The following CNNM2 variants were observed in gnomAD, a reference collection of about 807,000 sequenced individuals.
The protein encoded by CNNM2 is cyclin and CBS domain divalent metal cation transport mediator 2.
Under a neutral mutation model 66.9 loss-of-function variants are expected in CNNM2, and 12 were observed. The observed-to-expected ratio is 0.18, with a 90% CI of 0.11 to 0.29. CNNM2 has a LOEUF of 0.29. Ranked by LOEUF, CNNM2 falls within the 10% of genes least tolerant of loss-of-function variation. The pLI is 1.00. For synonymous variants in CNNM2, 557 were observed against 501.8 expected, an observed-to-expected ratio of 1.11 and a Z score of -1.47; for missense variants, 705 against 1,167.7, an observed-to-expected ratio of 0.60 and a Z score of 5.77.
At chr10:102,985,269 C>T (rs542389478) in intron 1 of CNNM2, among the ~76,000 whole-genome samples, 3 of 152,138 alleles carry the variant, frequency 2.0e-5, no homozygotes, top group Middle Eastern at 3.4e-3. Flanking sequence ...CCCCTTCTCA[C>T]CCTCTTGTTT....
At chr10:103,011,577 GAGAAA>G (rs1326024064) in intron 1 of CNNM2, among the ~76,000 whole-genome samples, 1 of 151,918 alleles carries the variant, frequency 6.6e-6, no homozygotes, top group Non-Finnish European at 1.5e-5. Context: ...AGAGAGAAGT[GAGAAA>G]AGAAAATGCA....
chr10:103,002,335 A>G (rs982136269), intron 1 of CNNM2, among the ~76,000 whole-genome samples: 4 of 152,228 alleles, frequency 2.6e-5, no homozygotes, highest in African/African-American at 9.6e-5. Flanking sequence ...TCTAACAAGG[A>G]TGTACAAATG....
At position 102,988,128 on chromosome 10, in the gene CNNM2, G is replaced by C. The variant is rs564914946; in HGVS notation, c.1622-61579G>C. 4.6e-5 allele frequency among the ~76,000 whole-genome samples: 7 copies of C among 152,134 alleles called. No homozygotes were observed. The South Asian group carries it at 1.5e-3, about 32-fold the overall frequency. On this transcript the variant is annotated intron_variant, in intron 1 of 7. Coordinates refer to ENST00000369878, the MANE Select transcript of CNNM2 (RefSeq NM_017649.5). The stretch of plus-strand genomic sequence containing the variant: ...AGCCTCGGTAACCTGGTGAAACCCC[G>C]TCTCTATTAAAAATACAAAAAAACT...
At chr10:103,010,750 T>G (rs2064326662) in intron 1 of CNNM2, among the ~76,000 whole-genome samples, 1 of 151,796 alleles carries the variant, frequency 6.6e-6, no homozygotes, top group Non-Finnish European at 1.5e-5. Context: ...GTAGCTGGGA[T>G]TATAGGCGCC....
At chr10:103,042,179 C>T (rs950739114) in intron 1 of CNNM2, among the ~76,000 whole-genome samples, 3 of 152,188 alleles carry the variant, frequency 2.0e-5, no homozygotes, top group South Asian at 2.1e-4. Flanking sequence ...CTCCTCCACC[C>T]GCTATCCAGT....
At chr10:103,053,922 A>AG (rs1380801609) in intron 2 of CNNM2, among the ~76,000 whole-genome samples, 2 of 152,208 alleles carry the variant, frequency 1.3e-5, no homozygotes, top group Non-Finnish European at 2.9e-5. Context: ...GTGTGTACAC[A>AG]GTGGTGGTCC....
chr10:102,980,559 A>G (rs1353684681), intron 1 of CNNM2, among the ~76,000 whole-genome samples: 4 of 152,154 alleles, frequency 2.6e-5, no homozygotes, highest in Non-Finnish European at 5.9e-5. Flanking sequence ...GTGAGGTGCC[A>G]TGCCCAACCC....
intron 1 of CNNM2, among the ~76,000 whole-genome samples, chr10:102,968,903 G>C (rs2063507151): frequency 6.9e-6 from 1 of 144,574 alleles, no homozygotes; most frequent in Non-Finnish European, 1.5e-5. Flanking sequence ...TGCCCAGCCA[G>C]TGCTGTCTTT....
At chr10:102,952,095 G>A (rs377572988) in intron 1 of CNNM2, among the ~76,000 whole-genome samples, 7 of 151,660 alleles carry the variant, frequency 4.6e-5, no homozygotes, top group Middle Eastern at 3.2e-3. Context: ...GAGCCACCAC[G>A]CCCGGCCAAT....
intron 1 of CNNM2, among the ~76,000 whole-genome samples, chr10:103,034,967 C>G (rs1378124073): frequency 3.1e-5 from 2 of 63,610 alleles, no homozygotes; most frequent in African/African-American, 1.1e-4. Context: ...AGCGAGACTC[C>G]GTCTCAAAAA....
At chr10:102,975,238 C>T (rs2063607425) in intron 1 of CNNM2, among the ~76,000 whole-genome samples, 2 of 152,084 alleles carry the variant, frequency 1.3e-5, no homozygotes, top group African/African-American at 2.4e-5. Flanking sequence ...GTTCACTTTT[C>T]CTCATTATAA....
chr10:103,026,175 C>T (rs925736121), intron 1 of CNNM2, among the ~76,000 whole-genome samples: 1 of 152,202 alleles, frequency 6.6e-6, no homozygotes, highest in African/African-American at 2.4e-5. Context: ...CATAAATTAA[C>T]CTGTCTTGGG....
intron 1 of CNNM2, chr10:102,927,486 G>C (rs565514887): frequency 6.3e-7 from 1 of 1,582,494 alleles, no homozygotes; most frequent in Non-Finnish European, 8.6e-7. Context: ...TTGGCTGGGC[G>C]TGGTGGCTCA....
chr10:103,036,384 T>A (rs2064939595), intron 1 of CNNM2, among the ~76,000 whole-genome samples: 1 of 152,136 alleles, frequency 6.6e-6, no homozygotes, highest in Non-Finnish European at 1.5e-5. Flanking sequence ...CCAAGAGTGA[T>A]CTCCCTTAAA....
chr10:103,033,694 C>T (rs561248336), intron 1 of CNNM2, among the ~76,000 whole-genome samples: 77 of 152,178 alleles, frequency 5.1e-4, no homozygotes, highest in Non-Finnish European at 8.1e-4. Context: ...ACCATGTTGG[C>T]CAGGCTGGTC....
At chr10:103,027,837 G>GT (rs752298779) in intron 1 of CNNM2, among the ~76,000 whole-genome samples, 1 of 152,154 alleles carries the variant, frequency 6.6e-6, no homozygotes, top group Admixed American at 6.5e-5. Flanking sequence ...TATTTAAATT[G>GT]TTTTTTCATT....
chr10:103,020,889 C>T (rs1469368936), intron 1 of CNNM2, among the ~76,000 whole-genome samples: 1 of 151,958 alleles, frequency 6.6e-6, no homozygotes, highest in Non-Finnish European at 1.5e-5. Context: ...TAGGTATTGG[C>T]TGGAGAGGGG....
intron 1 of CNNM2, among the ~76,000 whole-genome samples, chr10:102,932,262 G>T (rs766276411): frequency 2.6e-5 from 4 of 151,298 alleles, no homozygotes; most frequent in African/African-American, 4.9e-5. Context: ...TGTGCCTAGG[G>T]TGGTCTTGAA....
rs2065788047 is a variant in CNNM2 at position 103,084,796 on chromosome 10, A to G, written c.*7616A>G. 6.6e-6 allele frequency: 1 copy of G among 152,218 alleles called. No homozygotes were observed. The highest frequency in any genetic ancestry group is 2.1e-4 in the South Asian group (1 of 4,830). The allele number at this position is 152,218 out of a possible 1,614,324, so 9.4% of individuals were successfully genotyped here. On this transcript the variant is annotated 3_prime_UTR_variant, in exon 8 of 8. Transcript: ENST00000369878. ...ACTTCTGAGGAAACAAATATTGATCAGAGGGTCTTGTAGAGAAAGTGGTTA... is the reference window on the plus strand; with the variant it reads ...ACTTCTGAGGAAACAAATATTGATCGGAGGGTCTTGTAGAGAAAGTGGTTA...
Sources: allele counts gnomAD v4.1 joint callset (sites outside exome capture counted in the v4.1 genomes callset), GRCh38; gene constraint gnomAD v4.1.1; transcripts MANE v1.5; gene names NCBI Gene and HGNC (gene_info 2026-07-23, HGNC 2026-07-21).